The following GOLT1A variants were observed in gnomAD, a reference collection of about 807,000 sequenced individuals.
GOLT1A encodes golgi transport 1A, also known as vesicle transport protein GOT1A.
A neutral mutation model predicts 16.1 loss-of-function variants in GOLT1A; 10 were observed. That is an observed-to-expected ratio of 0.62 (90% CI 0.38 to 1.05). GOLT1A has a LOEUF of 1.05. Ranked by LOEUF, GOLT1A falls within the 50% of genes least tolerant of loss-of-function variation. The pLI, the probability that GOLT1A is intolerant of heterozygous loss-of-function variation, is 0.01. For synonymous variants in GOLT1A, 60 were observed against 67.9 expected (o/e 0.88, Z 0.57); for missense variants, 137 against 165.7 (o/e 0.83, Z 0.95).
At chr1:204,198,795 A>G in intron 4 of GOLT1A, 1 of 491,818 alleles carries the variant, frequency 2.0e-6, no homozygotes, top group Non-Finnish European at 3.6e-6. Flanking sequence ...CCTGCAGGAC[A>G]GCTTTTCCTG....
intron 1 of GOLT1A, among the ~76,000 whole-genome samples, chr1:204,206,592 A>G (rs1659042302): frequency 1.3e-5 from 2 of 152,268 alleles, no homozygotes; most frequent in Non-Finnish European, 2.9e-5. Flanking sequence ...GTTATAAAAT[A>G]TCTGTTGTTG....
intron 2 of GOLT1A, 33 bp from the exon 3 acceptor site, chr1:204,201,844 C>A (rs1230168249): frequency 1.2e-6 from 2 of 1,601,960 alleles, no homozygotes; most frequent in African/African-American, 1.3e-5. Context: ...TGAAGCAAAC[C>A]CACCAGCCCC....
chr1:204,204,883 A>G (rs1659016054), intron 1 of GOLT1A, among the ~76,000 whole-genome samples: 1 of 151,644 alleles, frequency 6.6e-6, no homozygotes, highest in Non-Finnish European at 1.5e-5. Flanking sequence ...AAGGTAGTAT[A>G]CATTGTGGTT....
At chr1:204,206,789 G>A (rs1474367109) in intron 1 of GOLT1A, among the ~76,000 whole-genome samples, 1 of 152,194 alleles carries the variant, frequency 6.6e-6, no homozygotes, top group East Asian at 1.9e-4. Flanking sequence ...TACTCATTTT[G>A]TGGAAACAGC....
At chr1:204,210,765 T>C (rs1229773881) in intron 1 of GOLT1A, among the ~76,000 whole-genome samples, 3 of 152,314 alleles carry the variant, frequency 2.0e-5, no homozygotes, top group African/African-American at 7.2e-5. Flanking sequence ...CTGATGACAC[T>C]GATGTCTCTC....
At chr1:204,198,545 G>A (rs777235180) in intron 4 of GOLT1A, 49 bp from the exon 5 acceptor site, 2 of 1,550,226 alleles carry the variant, frequency 1.3e-6, no homozygotes, top group South Asian at 2.2e-5. Context: ...GAGAGCAGAT[G>A]CAATATCTAG....
intron 1 of GOLT1A, among the ~76,000 whole-genome samples, 175 bp downstream of exon 1, chr1:204,213,707 G>C (rs1659173176): frequency 6.6e-6 from 1 of 152,208 alleles, no homozygotes; most frequent in Non-Finnish European, 1.5e-5. Context: ...ACCCGCTGGA[G>C]GGTAGGGAGC....
chr1:204,206,688 G>A (rs1659043746), intron 1 of GOLT1A, among the ~76,000 whole-genome samples: 1 of 152,242 alleles, frequency 6.6e-6, no homozygotes, highest in Non-Finnish European at 1.5e-5. Context: ...GTATTTGTGT[G>A]GAAACACGAT....
At position 204,205,899 on chromosome 1, in the gene GOLT1A, G is replaced by A. The variant is rs762856256; in HGVS notation, c.26-2912C>T. Among the ~76,000 whole-genome samples the A allele has an allele frequency of 2.6e-5, 4 of 152,184 alleles. No individual in the cohort carries two copies. In the East Asian group the frequency reaches 5.8e-4, roughly 22 times the overall value. On this transcript the variant is annotated intron_variant, in intron 1 of 4. Coordinates refer to ENST00000308302, the MANE Select transcript of GOLT1A (RefSeq NM_198447.2). Reference sequence around the variant, plus strand: ...AGCCTGGCCAACATGGTGAAACCCCGTCTCTACTAAAAATACAAAAATTAG... The same window carrying A: ...AGCCTGGCCAACATGGTGAAACCCCATCTCTACTAAAAATACAAAAATTAG...
At chr1:204,199,004 A>G (rs1658908338) in intron 4 of GOLT1A, 191 bp downstream of exon 4, 1 of 595,198 alleles carries the variant, frequency 1.7e-6, no homozygotes, top group Non-Finnish European at 3.0e-6. Flanking sequence ...CCCTCTCCTC[A>G]TGGGCTCTTG....
intron 1 of GOLT1A, among the ~76,000 whole-genome samples, chr1:204,211,415 T>C (rs1179073662): frequency 6.6e-6 from 1 of 152,218 alleles, no homozygotes; most frequent in East Asian, 1.9e-4. Flanking sequence ...TGAGCCCTCT[T>C]GACTCAGGGC....
At chr1:204,208,709 G>A (rs1659093282) in intron 1 of GOLT1A, among the ~76,000 whole-genome samples, 1 of 151,690 alleles carries the variant, frequency 6.6e-6, no homozygotes, top group Non-Finnish European at 1.5e-5. Flanking sequence ...TCATGGGAAA[G>A]GGTAGGAGGG....
chr1:204,207,687 TCCC>T (rs1659066171), intron 1 of GOLT1A, among the ~76,000 whole-genome samples: 1 of 152,132 alleles, frequency 6.6e-6, no homozygotes, highest in Non-Finnish European at 1.5e-5. Flanking sequence ...TCGTCTTTTT[TCCC>T]CCTTTTCCTT....
chr1:204,207,138 T>C (rs1228012916), intron 1 of GOLT1A, among the ~76,000 whole-genome samples: 1 of 152,242 alleles, frequency 6.6e-6, no homozygotes. Flanking sequence ...CCTAAAGTTC[T>C]TTTCAGGCAG....
chr1:204,204,980 T>G (rs1659017761), intron 1 of GOLT1A, among the ~76,000 whole-genome samples: 1 of 152,242 alleles, frequency 6.6e-6, no homozygotes, highest in South Asian at 2.1e-4. Flanking sequence ...GAGAATTGTC[T>G]AGTTAAGTCC....
rs147334695 is a variant in GOLT1A at position 204,200,889 on chromosome 1, A to G, written c.296+744T>C. On this transcript the variant is annotated intron_variant, in intron 3 of 4. Transcript: ENST00000308302. Reference sequence around the variant, plus strand: ...ATTCTCTCCACACCACCGTGTAGACATATGAAGTCTTCCTTCCCACCCCCA... The same window carrying G: ...ATTCTCTCCACACCACCGTGTAGACGTATGAAGTCTTCCTTCCCACCCCCA... 2.6e-4 allele frequency among the ~76,000 whole-genome samples: 39 copies of G among 152,226 alleles called. No homozygotes were observed. The East Asian group carries it at 7.2e-3, about 28-fold the overall frequency.
intron 1 of GOLT1A, among the ~76,000 whole-genome samples, chr1:204,209,263 G>T (rs938936572): frequency 6.6e-6 from 1 of 152,172 alleles, no homozygotes; most frequent in East Asian, 1.9e-4. Flanking sequence ...ATGTCAATTT[G>T]CCCCATAGCT....
intron 1 of GOLT1A, among the ~76,000 whole-genome samples, chr1:204,210,244 G>C (rs1007714835): frequency 1.4e-4 from 21 of 152,090 alleles, no homozygotes; most frequent in Non-Finnish European, 5.9e-5. Context: ...CCTTTCTCTT[G>C]GTTTGTGCAC....
At chr1:204,202,002 C>A (rs375049162) in intron 2 of GOLT1A, among the ~76,000 whole-genome samples, 191 bp from the exon 3 acceptor site, 2 of 152,090 alleles carry the variant, frequency 1.3e-5, no homozygotes, top group East Asian at 1.9e-4. Context: ...AACAGGACTG[C>A]GCAGAGGCAG....
Sources: allele counts gnomAD v4.1 joint callset (sites outside exome capture counted in the v4.1 genomes callset), GRCh38; gene constraint gnomAD v4.1.1; transcripts MANE v1.5; gene names NCBI Gene and HGNC (gene_info 2026-07-23, HGNC 2026-07-21).